CTNNA2: variants seen among roughly 807,000 people sequenced by gnomAD.
The protein encoded by CTNNA2 is catenin alpha 2.
CTNNA2 carries 42 observed loss-of-function variants against 101.0 expected under a neutral mutation model. That is an observed-to-expected ratio of 0.42 (90% confidence interval 0.32 to 0.54). The LOEUF (loss-of-function observed/expected upper bound fraction) is 0.54, where lower values mean the gene tolerates loss of function less well. Ranked by LOEUF, CTNNA2 falls within the 20% of genes least tolerant of loss-of-function variation. The pLI is 0.14. For missense variants in CTNNA2, 871 were observed against 1,223.1 expected (o/e 0.71, Z 4.29); for synonymous variants, 450 against 456.4 (o/e 0.99, Z 0.18).
chr2:80,266,695 T>C (rs1673027236), intron 7 of CTNNA2, among the ~76,000 whole-genome samples: 1 of 152,226 alleles, frequency 6.6e-6, no homozygotes, highest in Non-Finnish European at 1.5e-5. Flanking sequence ...CCTTCTTGGC[T>C]GTACTTCATC....
At chr2:79,882,524 G>A (rs1683519022) in intron 6 of CTNNA2, among the ~76,000 whole-genome samples, 1 of 152,232 alleles carries the variant, frequency 6.6e-6, no homozygotes, top group Non-Finnish European at 1.5e-5. Context: ...GGGCTATGGG[G>A]AACAAGTCTT....
At chr2:79,516,077 A>G (rs1671791829) in intron 1 of CTNNA2, among the ~76,000 whole-genome samples, 1 of 152,182 alleles carries the variant, frequency 6.6e-6, no homozygotes, top group Non-Finnish European at 1.5e-5. Context: ...ATCTTTGGAG[A>G]CAGCTTTAGA....
chr2:80,212,590 CT>C (rs1707969809), intron 7 of CTNNA2, among the ~76,000 whole-genome samples: 1 of 152,138 alleles, frequency 6.6e-6, no homozygotes, highest in Non-Finnish European at 1.5e-5. Flanking sequence ...GGTGGATAAA[CT>C]TTTTGATGTG....
intron 7 of CTNNA2, among the ~76,000 whole-genome samples, chr2:80,229,064 CAAAT>C (rs1312443489): frequency 6.6e-6 from 1 of 152,072 alleles, no homozygotes; most frequent in African/African-American, 2.4e-5. Context: ...CTTTCGTAAA[CAAAT>C]AGATTTTTCC....
intron 8 of CTNNA2, among the ~76,000 whole-genome samples, chr2:80,406,291 G>A (rs570609219): frequency 1.6e-3 from 237 of 151,172 alleles, no homozygotes; most frequent in Non-Finnish European, 2.3e-3. Flanking sequence ...TCGAGATCGC[G>A]CCACTGCACT....
chr2:80,133,192 C>G (rs547396099), intron 7 of CTNNA2, among the ~76,000 whole-genome samples: 115 of 152,218 alleles, frequency 7.6e-4, no homozygotes, highest in Non-Finnish European at 3.1e-4. Context: ...GAGGCAGAGA[C>G]TGGAGTTATG....
intron 7 of CTNNA2, among the ~76,000 whole-genome samples, chr2:80,230,732 TGAA>T (rs1709161984): frequency 6.6e-6 from 1 of 152,162 alleles, no homozygotes; most frequent in Non-Finnish European, 1.5e-5. Flanking sequence ...CAGAGGAAGA[TGAA>T]GCTCACATAA....
chr2:79,850,705 C>G (rs529218891), intron 3 of CTNNA2, among the ~76,000 whole-genome samples: 1 of 152,270 alleles, frequency 6.6e-6, no homozygotes, highest in Non-Finnish European at 1.5e-5. Context: ...CCTTAATAAT[C>G]TTTCTTTTCT....
chr2:79,335,844 C>T (rs747549264), intron 3 of CTNNA2, among the ~76,000 whole-genome samples: 45 of 152,154 alleles, frequency 3.0e-4, no homozygotes, highest in Non-Finnish European at 5.4e-4. Flanking sequence ...AAAGTTCACC[C>T]CAGCCAACTT....
At chr2:80,427,003 T>G (rs1413938463) in intron 9 of CTNNA2, among the ~76,000 whole-genome samples, 1 of 152,132 alleles carries the variant, frequency 6.6e-6, no homozygotes, top group African/African-American at 2.4e-5. Flanking sequence ...TACAACTGTA[T>G]GCTAGTTCTT....
rs995368662 is a variant in CTNNA2 at position 80,536,953 on chromosome 2, A to G, written c.1291-8029A>G. ...TTAACTTCTGGGATACGTGTGCAGA[A>G]TGTGCAGGCTTGTTACATAGGTATA... is the stretch of plus-strand genomic sequence containing the variant. On this transcript the variant is annotated intron_variant, in intron 9 of 18. Coordinates refer to ENST00000402739, the MANE Select transcript of CTNNA2 (RefSeq NM_001282597.3). 3.3e-5 allele frequency among the ~76,000 whole-genome samples: 5 copies of G among 152,248 alleles called. No individual in the cohort carries two copies. The South Asian group carries it at 1.0e-3, about 31-fold the overall frequency.
At chr2:79,796,859 G>T (rs1472761992) in intron 3 of CTNNA2, among the ~76,000 whole-genome samples, 2 of 152,120 alleles carry the variant, frequency 1.3e-5, no homozygotes, top group African/African-American at 2.4e-5. Flanking sequence ...GCTGTGGCCT[G>T]GAGTACTGTG....
chr2:80,347,838 C>CTTTTTTTTTTTTTTTTT (rs778989197), intron 7 of CTNNA2, among the ~76,000 whole-genome samples: 2 of 146,784 alleles, frequency 1.4e-5, no homozygotes, highest in South Asian at 2.1e-4. Flanking sequence ...TTTTTCTTTT[C>CTTTTTTTTTTTTTTTTT]TTTTCTTTTT....
At chr2:80,644,650 T>C (rs999781239) in intron 18 of CTNNA2, among the ~76,000 whole-genome samples, 7 of 152,182 alleles carry the variant, frequency 4.6e-5, no homozygotes, top group Non-Finnish European at 1.0e-4. Context: ...AAATGTAACC[T>C]TTGGAAATTC....
chr2:79,780,377 A>C (rs6736573), intron 3 of CTNNA2, among the ~76,000 whole-genome samples: 30,918 of 152,162 alleles, frequency 0.2, 3,301 homozygotes, highest in African/African-American at 0.27. Context: ...TTTTGTGAAC[A>C]ATCACATTTG....
chr2:79,306,112 G>A (rs1276300198), intron 2 of CTNNA2, among the ~76,000 whole-genome samples: 1 of 150,544 alleles, frequency 6.6e-6, no homozygotes, highest in African/African-American at 2.4e-5. Context: ...AGGACACTAT[G>A]TTAAGTCAAA....
chr2:80,405,495 G>C (rs1678971053), intron 8 of CTNNA2, among the ~76,000 whole-genome samples: 1 of 152,060 alleles, frequency 6.6e-6, no homozygotes, highest in Non-Finnish European at 1.5e-5. Context: ...AAAGAGACCT[G>C]AGTTTCTCTA....
intron 1 of CTNNA2, among the ~76,000 whole-genome samples, chr2:79,571,030 C>T (rs1389467406): frequency 6.6e-6 from 1 of 152,170 alleles, no homozygotes; most frequent in African/African-American, 2.4e-5. Flanking sequence ...GCAGTGATAA[C>T]AACCCAATTT....
chr2:80,461,168 T>C (rs1261555642), intron 9 of CTNNA2, among the ~76,000 whole-genome samples: 1 of 152,184 alleles, frequency 6.6e-6, no homozygotes, highest in Non-Finnish European at 1.5e-5. Flanking sequence ...TAAAATCCAG[T>C]TTTAACAAAG....
Sources: allele counts gnomAD v4.1 joint callset (sites outside exome capture counted in the v4.1 genomes callset), GRCh38; gene constraint gnomAD v4.1.1; transcripts MANE v1.5; gene names NCBI Gene and HGNC (gene_info 2026-07-23, HGNC 2026-07-21).